Variants in RUSC2 observed in about 807,000 individuals in gnomAD.
RUSC2 encodes the protein RUN and SH3 domain containing 2.
Under a neutral mutation model 122.2 loss-of-function variants are expected in RUSC2, and 34 were observed. The ratio of observed to expected loss-of-function variants is 0.28; its 90% CI spans 0.21 to 0.37. The LOEUF (loss-of-function observed/expected upper bound fraction) is 0.37, where lower values mean the gene tolerates loss of function less well. Among genes scored for constraint, RUSC2 ranks in the 10% least tolerant of loss-of-function variants. RUSC2 has a pLI of 1.00. For synonymous variants in RUSC2, 784 were observed against 790.0 expected (o/e 0.99, Z 0.13); for missense variants, 1,747 against 1,952.4 (o/e 0.89, Z 1.98).
chr9:35,547,408 G>A lies in RUSC2; in HGVS notation c.887G>A (p.Arg296His), dbSNP rs201930817. 70 of 1,614,106 alleles carry A rather than the reference G, an allele frequency of 4.3e-5. 1 individual carries two copies. Among genetic ancestry groups the A allele is most frequent in the Admixed American group, 1.2e-4 (7 of 60,022 alleles). The change falls in exon 2 of 12, where the codon CGT (arginine) becomes CAT (histidine). Residue 296 changes from arginine to histidine, a missense_variant. Coordinates refer to ENST00000361226, the MANE Select transcript of RUSC2 (RefSeq NM_014806.5). The surrounding 1 kb of genome is among the most constrained non-coding windows in gnomAD (Gnocchi z 4.6). ...TACAACAAGATGCATGGCACCCCCC[G>A]TGCCAATCTCAACTCTGCCCCACAG... ...TLYNKMHGTP[R>H]ANLNSAPQSC...
chr9:35,555,565 A>C lies in RUSC2; in HGVS notation c.2520A>C (p.Ile840=), dbSNP rs1008250400. ...AGCCGCAGAAGGAGGATCAGAAGAT[A>C]CTGACCTTGACTGAGTACCGGCTCC... ...SQQPQKEDQK[I]LTLTEYRLHG... is the part of the protein sequence containing the mutation. The change falls in exon 3 of 12, where the codon ATA becomes ATC. Residue 840 remains isoleucine, a synonymous_variant. Coordinates refer to ENST00000361226, the MANE Select transcript of RUSC2 (RefSeq NM_014806.5). The surrounding 1 kb of genome is among the most constrained non-coding windows in gnomAD (Gnocchi z 4.6). The C allele has an allele frequency of 1.2e-6, 2 of 1,613,922 alleles. No individual in the cohort carries two copies. Among genetic ancestry groups the C allele is most frequent in the African/African-American group, 2.7e-5 (2 of 74,920 alleles).
intron 1 of RUSC2, among the ~76,000 whole-genome samples, chr9:35,502,048 A>G (rs1314162197): frequency 1.3e-5 from 2 of 152,144 alleles, no homozygotes; most frequent in African/African-American, 4.8e-5. Context: ...TCTTTGTCCA[A>G]TACTTCTACA....
chr9:35,515,999 C>CAAAATAAAAAAAAAAAAAA (rs1821095231), intron 1 of RUSC2, among the ~76,000 whole-genome samples: 1 of 47,218 alleles, frequency 2.1e-5, no homozygotes, highest in Non-Finnish European at 3.7e-5. Flanking sequence ...ATTCTTGTCT[C>CAAAATAAAAAAAAAAAAAA]AAAAAAAAAA....
intron 1 of RUSC2, among the ~76,000 whole-genome samples, chr9:35,503,688 C>T (rs547101663): frequency 4.0e-5 from 6 of 151,882 alleles, no homozygotes; most frequent in Non-Finnish European, 8.8e-5. Flanking sequence ...ATACTGTTTT[C>T]CATAGTGGTT....
chr9:35,555,870 T>A lies in RUSC2; in HGVS notation c.2657-82T>A. 1 of 1,518,924 alleles carries A rather than the reference T, an allele frequency of 6.6e-7. No individual in the cohort carries two copies. Among genetic ancestry groups the A allele is most frequent in the Non-Finnish European group, 8.9e-7 (1 of 1,118,098 alleles). The allele number at this position is 1,518,924 out of a possible 1,614,324, so 94.1% of individuals were successfully genotyped here. Reference sequence around the variant, plus strand: ...TCCACAGATAATCTAGTGTTTCATATGGGCCCACTGGGTGGATGTGAAACT... The same window carrying A: ...TCCACAGATAATCTAGTGTTTCATAAGGGCCCACTGGGTGGATGTGAAACT... On this transcript the variant is annotated intron_variant, in intron 3 of 11. Transcript: ENST00000361226. The surrounding 1 kb of genome is among the most constrained non-coding windows in gnomAD (Gnocchi z 4.6).
chr9:35,518,802 G>GCTTTTT (rs1463740339), intron 1 of RUSC2, among the ~76,000 whole-genome samples: 2 of 152,156 alleles, frequency 1.3e-5, no homozygotes, highest in Non-Finnish European at 1.5e-5. Context: ...TCCCAAACAG[G>GCTTTTT]CTTTTTCTTT....
chr9:35,531,758 G>C (rs1821421854), intron 1 of RUSC2, among the ~76,000 whole-genome samples: 1 of 152,244 alleles, frequency 6.6e-6, no homozygotes, highest in South Asian at 2.1e-4. Context: ...GGGCGTGGTG[G>C]TTCACGCCTG....
At position 35,558,429 on chromosome 9, in the gene RUSC2, G is replaced by T. The variant is rs778282023; in HGVS notation, c.3236-33G>T. The T allele has an allele frequency of 1.8e-5, 29 of 1,613,840 alleles. No individual in the cohort carries two copies. The highest frequency in any genetic ancestry group is 2.2e-5 in the Non-Finnish European group (26 of 1,179,892). On this transcript the variant is annotated intron_variant, in intron 7 of 11. Transcript: ENST00000361226. The surrounding 1 kb of genome is among the most constrained non-coding windows in gnomAD (Gnocchi z 4.3). ...GCTGAATTTAGGGCTCCAGAAATTGGTCATGTGACCTGCAACCCTGGCTTC... is the reference window on the plus strand; with the variant it reads ...GCTGAATTTAGGGCTCCAGAAATTGTTCATGTGACCTGCAACCCTGGCTTC...
Position 35,511,112 on chromosome 9 carries a change from G to A in RUSC2, c.-93+20940G>A, listed in dbSNP as rs1821003463. ...GAAAAGCTCCCAGCGAGCAGAGCTGGGTCTTATGTAACTTTATAGACTGCC... is the reference window on the plus strand; with the variant it reads ...GAAAAGCTCCCAGCGAGCAGAGCTGAGTCTTATGTAACTTTATAGACTGCC... On this transcript the variant is annotated intron_variant, in intron 1 of 11. Coordinates refer to ENST00000361226, the MANE Select transcript of RUSC2 (RefSeq NM_014806.5). Among the ~76,000 whole-genome samples, 3 of 152,090 alleles carry A rather than the reference G, an allele frequency of 2.0e-5. No homozygotes were observed. In the South Asian group the frequency reaches 6.2e-4, roughly 31 times the overall value.
At position 35,547,628 on chromosome 9, in the gene RUSC2, CTG is replaced by C; in HGVS notation, c.1110_1111del (p.Cys370Ter). The stretch of plus-strand genomic sequence containing the variant: ...CCAACTGCAACTCCTACCGCCCACA[CTG>C]TGAGCCGTGCCCAGCAGTGGCTGAC... ...DANCNSYRPH[C>X]EPCPAVADLT... is the part of the protein sequence containing the mutation. On this transcript the variant is annotated frameshift_variant, in exon 2 of 12. Transcript: ENST00000361226. LOFTEE classifies it high-confidence loss of function. The surrounding 1 kb of genome is among the most constrained non-coding windows in gnomAD (Gnocchi z 4.6). 6.2e-7 allele frequency: 1 copy of C among 1,614,244 alleles called. No individual in the cohort carries two copies. The highest frequency in any genetic ancestry group is 8.5e-7 in the Non-Finnish European group (1 of 1,180,044).
Position 35,548,021 on chromosome 9 carries a change from T to C in RUSC2, c.1500T>C (p.Asp500=), listed in dbSNP as rs139319763. The C allele has an allele frequency of 4.2e-5, 67 of 1,613,918 alleles. No homozygotes were observed. The African/African-American group carries it at 8.1e-4, about 20-fold the overall frequency. The part of the protein sequence containing the change: ...STGRQRSRSY[D]RSLQRSPPVR... ...GACGTCAGCGCTCCCGCAGCTATGA[T>C]CGCAGCCTGCAGCGCAGCCCTCCTG... Residue 500 remains aspartate (D), a synonymous_variant, in exon 2 of 12, where the codon GAT becomes GAC. Coordinates refer to ENST00000361226, the MANE Select transcript of RUSC2 (RefSeq NM_014806.5). The surrounding 1 kb of genome is among the most constrained non-coding windows in gnomAD (Gnocchi z 4.5).
chr9:35,546,460 G>T lies in RUSC2; in HGVS notation c.-62G>T. On this transcript the variant is annotated 5_prime_UTR_variant, in exon 2 of 12. Transcript: ENST00000361226. The surrounding 1 kb of genome is among the most constrained non-coding windows in gnomAD (Gnocchi z 4.3). ...AAGCTCTCCTGATGAAATGTGTTCT[G>T]CCCCACTGGGCTCCAGGGACAGTGT... 8.1e-7 allele frequency: 1 copy of T among 1,231,302 alleles called. No homozygotes were observed. 76.3% of individuals were successfully genotyped at this position (1,231,302 alleles called of 1,614,324 possible). A position where few individuals can be genotyped will look rare whatever the true frequency, so the allele number is the denominator to read the frequency against.
At chr9:35,497,813 C>T (rs1820748560) in intron 1 of RUSC2, among the ~76,000 whole-genome samples, 1 of 152,154 alleles carries the variant, frequency 6.6e-6, no homozygotes, top group African/African-American at 2.4e-5. Flanking sequence ...TCCTTTGGTG[C>T]AGGATTTATC....
At chr9:35,523,684 G>T (rs1821262141) in intron 1 of RUSC2, among the ~76,000 whole-genome samples, 1 of 151,816 alleles carries the variant, frequency 6.6e-6, no homozygotes, top group Non-Finnish European at 1.5e-5. Flanking sequence ...GCATGGTGGT[G>T]CATGCCTGTA....
intron 1 of RUSC2, among the ~76,000 whole-genome samples, chr9:35,522,607 A>G (rs949910086): frequency 3.9e-5 from 6 of 152,226 alleles, no homozygotes; most frequent in Non-Finnish European, 7.3e-5. Context: ...ATAGCTCCTT[A>G]TACACAGGAA....
At chr9:35,508,103 T>C (rs1332154158) in intron 1 of RUSC2, among the ~76,000 whole-genome samples, 1 of 152,192 alleles carries the variant, frequency 6.6e-6, no homozygotes, top group East Asian at 1.9e-4. Flanking sequence ...TTGGTAGTCT[T>C]GACTCATACC....
At chr9:35,511,619 C>A (rs1821011960) in intron 1 of RUSC2, among the ~76,000 whole-genome samples, 1 of 152,172 alleles carries the variant, frequency 6.6e-6, no homozygotes, top group African/African-American at 2.4e-5. Flanking sequence ...GTTCCTCGAA[C>A]TTAGTTCAAC....
chr9:35,543,002 G>A (rs1248463879), intron 1 of RUSC2, among the ~76,000 whole-genome samples: 2 of 152,156 alleles, frequency 1.3e-5, no homozygotes, highest in Non-Finnish European at 2.9e-5. Context: ...GCAACCCATA[G>A]GTACCCCTAA....
At position 35,557,881 on chromosome 9, in the gene RUSC2, C is replaced by T; in HGVS notation, c.2984-33C>T. 6.2e-7 allele frequency: 1 copy of T among 1,603,400 alleles called. No homozygotes were observed. On this transcript the variant is annotated intron_variant, in intron 5 of 11. Coordinates refer to ENST00000361226, the MANE Select transcript of RUSC2 (RefSeq NM_014806.5). The surrounding 1 kb of genome is among the most constrained non-coding windows in gnomAD (Gnocchi z 4.6). ...CAGCTGAGTTGGTTAAGGACTTGCT[C>T]AGGGACCTGTCACATCACATTCTTC...
Sources: allele counts gnomAD v4.1 joint callset (sites outside exome capture counted in the v4.1 genomes callset), GRCh38; gene constraint gnomAD v4.1.1; non-coding constraint Gnocchi (gnomAD v3.1); transcripts MANE v1.5; gene names NCBI Gene and HGNC (gene_info 2026-07-23, HGNC 2026-07-21).